Variants in IL20RB observed in about 807,000 individuals in gnomAD.
IL20RB encodes the protein interleukin-20 receptor subunit beta.
A neutral mutation model predicts 33.3 loss-of-function variants in IL20RB; 21 were observed. That is an observed-to-expected ratio of 0.63 (90% CI 0.45 to 0.91). The LOEUF is 0.91. IL20RB is among the 40% of genes least tolerant of loss of function. The pLI is 0.00. For missense variants in IL20RB, 345 were observed against 384.8 expected (o/e 0.90, Z 0.86); for synonymous variants, 147 against 146.8 (o/e 1.00, Z -0.01).
intron 6 of IL20RB, among the ~76,000 whole-genome samples, chr3:137,007,949 C>CAAA (rs2107726772): frequency 1.3e-5 from 2 of 151,868 alleles, no homozygotes; most frequent in Non-Finnish European, 2.9e-5. Context: ...AAATCTAAAG[C>CAAA]AAAACTATAT....
At chr3:136,978,183 T>A (rs1941675669) in intron 1 of IL20RB, among the ~76,000 whole-genome samples, 1 of 150,806 alleles carries the variant, frequency 6.6e-6, no homozygotes, top group African/African-American at 2.4e-5. Flanking sequence ...TTTTTTTTTT[T>A]GAGATGGAGT....
chr3:136,980,820 T>C (rs767530728), intron 2 of IL20RB, among the ~76,000 whole-genome samples: 1 of 152,228 alleles, frequency 6.6e-6, no homozygotes, highest in African/African-American at 2.4e-5. Flanking sequence ...ATAACACATT[T>C]TGGTGGAGTT....
At chr3:137,005,106 A>G (rs1199813096) in intron 6 of IL20RB, among the ~76,000 whole-genome samples, 3 of 152,200 alleles carry the variant, frequency 2.0e-5, no homozygotes, top group South Asian at 2.1e-4. Flanking sequence ...TTGAGTTCTA[A>G]TTTGATTGCA....
intron 5 of IL20RB, among the ~76,000 whole-genome samples, chr3:136,992,487 C>T (rs10935216): frequency 6.6e-6 from 1 of 152,210 alleles, no homozygotes; most frequent in African/African-American, 2.4e-5. Context: ...CCTTCTTCAT[C>T]TGGAAGGGAC....
intron 1 of IL20RB, 123 bp from the exon 2 acceptor site, chr3:136,980,343 T>C (rs1577019660): frequency 9.5e-7 from 1 of 1,055,868 alleles, no homozygotes; most frequent in East Asian, 2.4e-5. Context: ...TGGAGTGCAG[T>C]GGTGCAATCT....
At chr3:136,978,638 T>C (rs968828524) in intron 1 of IL20RB, among the ~76,000 whole-genome samples, 2 of 152,250 alleles carry the variant, frequency 1.3e-5, no homozygotes, top group African/African-American at 4.8e-5. Flanking sequence ...CACTTGGTTA[T>C]GGTATATAGT....
At chr3:137,002,560 G>A (rs879472124) in intron 6 of IL20RB, among the ~76,000 whole-genome samples, 4 of 151,928 alleles carry the variant, frequency 2.6e-5, no homozygotes, top group Non-Finnish European at 5.9e-5. Flanking sequence ...TCTGTTGGCT[G>A]CATAAATGTC....
chr3:136,988,675 C>T (rs1385127469), intron 3 of IL20RB, among the ~76,000 whole-genome samples: 11 of 151,078 alleles, frequency 7.3e-5, no homozygotes, highest in Non-Finnish European at 1.3e-4. Context: ...ACTGAGAGTT[C>T]GAGGCTGCAG....
chr3:136,970,895 G>A (rs183551805), intron 1 of IL20RB, among the ~76,000 whole-genome samples: 299 of 151,890 alleles, frequency 2.0e-3, no homozygotes, highest in African/African-American at 6.2e-3. Flanking sequence ...CTCGTGATCC[G>A]CCCGGCTCGG....
chr3:137,009,813 T>C (rs1217417916), intron 6 of IL20RB, among the ~76,000 whole-genome samples: 1 of 152,040 alleles, frequency 6.6e-6, no homozygotes, highest in East Asian at 1.9e-4. Context: ...GTGTGAGCCA[T>C]TGCACCTGCC....
At chr3:136,999,724 T>A (rs1942204184) in intron 6 of IL20RB, among the ~76,000 whole-genome samples, 1 of 152,156 alleles carries the variant, frequency 6.6e-6, no homozygotes, top group Non-Finnish European at 1.5e-5. Flanking sequence ...TATTAACCTA[T>A]CTTCTTGTTC....
intron 4 of IL20RB, among the ~76,000 whole-genome samples, chr3:136,991,213 G>T (rs903014371): frequency 4.6e-5 from 7 of 152,228 alleles, no homozygotes; most frequent in South Asian, 4.1e-4. Context: ...CTCAAGTCAG[G>T]GTCTCTGCAC....
In IL20RB at chr3:136,978,562, G is replaced by A. The variant is rs555180963; in HGVS notation, c.89-1904G>A. On this transcript the variant is annotated intron_variant, in intron 1 of 6. Transcript: ENST00000329582. ...TTATGATTTTATTCTTTAGTTTATC[G>A]ACATGGTAAATTACATTAACTGATT... Among the ~76,000 whole-genome samples the A allele has an allele frequency of 1.2e-4, 18 of 152,070 alleles. No homozygotes were observed. In the East Asian group the frequency reaches 1.5e-3, roughly 13 times the overall value.
intron 5 of IL20RB, 120 bp downstream of exon 5, chr3:136,992,208 C>T: frequency 5.6e-6 from 6 of 1,065,452 alleles, no homozygotes; most frequent in East Asian, 2.6e-5. Context: ...TGACCTCCCT[C>T]ATGGACTGGG....
chr3:136,987,364 T>G (rs361251), intron 3 of IL20RB, among the ~76,000 whole-genome samples: 1 of 151,932 alleles, frequency 6.6e-6, no homozygotes, highest in South Asian at 2.1e-4. Flanking sequence ...GAGTGTCGAT[T>G]GGTGCACTCA....
intron 6 of IL20RB, among the ~76,000 whole-genome samples, chr3:136,999,974 T>G (rs1269379992): frequency 1.3e-5 from 2 of 152,210 alleles, no homozygotes; most frequent in African/African-American, 4.8e-5. Context: ...TTTCACCAGG[T>G]GGGTCATGTC....
intron 5 of IL20RB, among the ~76,000 whole-genome samples, chr3:136,992,321 C>A (rs967462781): frequency 1.3e-5 from 2 of 152,212 alleles, no homozygotes; most frequent in Non-Finnish European, 2.9e-5. Flanking sequence ...GAAACACTTT[C>A]CCCCTTAAAG....
chr3:136,989,663 C>G, intron 4 of IL20RB, 98 bp downstream of exon 4: 1 of 1,383,066 alleles, frequency 7.2e-7, no homozygotes, highest in Non-Finnish European at 1.0e-6. Context: ...CACTGGGTGA[C>G]CTGGGGATGA....
intron 1 of IL20RB, among the ~76,000 whole-genome samples, chr3:136,975,400 G>GCAAT (rs1213672776): frequency 6.6e-6 from 1 of 152,086 alleles, no homozygotes; most frequent in Non-Finnish European, 1.5e-5. Flanking sequence ...GTGCAGTGGT[G>GCAAT]CAATCTTGGC....
Sources: gnomAD v4.1 joint callset for allele counts (sites outside exome capture counted in the v4.1 genomes callset) on GRCh38, gnomAD v4.1.1 for gene constraint, MANE v1.5 for transcripts, NCBI Gene and HGNC (gene_info 2026-07-23, HGNC 2026-07-21) for gene names.